Variants in MAP3K13 observed in about 807,000 individuals in gnomAD.
MAP3K13 encodes mitogen-activated protein kinase kinase kinase 13.
A neutral mutation model predicts 104.0 loss-of-function variants in MAP3K13; 52 were observed. The observed-to-expected ratio is 0.50, with a 90% CI of 0.40 to 0.63. MAP3K13 has a LOEUF of 0.63. MAP3K13 is among the 20% of genes least tolerant of loss of function. MAP3K13 has a pLI of 0.00. For synonymous variants in MAP3K13, 394 were observed against 442.2 expected (o/e 0.89, Z 1.37); for missense variants, 914 against 1,218.5 (o/e 0.75, Z 3.72).
chr3:185,468,158 G>A (rs967456009), intron 10 of MAP3K13, among the ~76,000 whole-genome samples: 6 of 152,098 alleles, frequency 3.9e-5, no homozygotes, highest in South Asian at 2.1e-4. Context: ...ATTACAATCC[G>A]ACATGAGATT....
At chr3:185,467,527 G>A (rs992580669) in intron 10 of MAP3K13, among the ~76,000 whole-genome samples, 1 of 152,172 alleles carries the variant, frequency 6.6e-6, no homozygotes, top group African/African-American at 2.4e-5. Flanking sequence ...GCTCACGCCT[G>A]TAATCCCAGC....
chr3:185,451,133 A>G (rs973999970), intron 6 of MAP3K13, among the ~76,000 whole-genome samples, 154 bp from the exon 7 acceptor site: 2 of 152,258 alleles, frequency 1.3e-5, no homozygotes, highest in African/African-American at 2.4e-5. Context: ...CTGAGATACA[A>G]TTCAGTTATG....
At chr3:185,377,065 A>G (rs1381457459) in intron 1 of MAP3K13, among the ~76,000 whole-genome samples, 2 of 152,164 alleles carry the variant, frequency 1.3e-5, no homozygotes, top group East Asian at 3.9e-4. Context: ...GGAGGGAGGT[A>G]TTGAGGATAG....
intron 1 of MAP3K13, among the ~76,000 whole-genome samples, chr3:185,395,454 G>A (rs1422973533): frequency 2.3e-5 from 2 of 85,954 alleles, no homozygotes; most frequent in African/African-American, 8.6e-5. Flanking sequence ...CGCCTCCCGG[G>A]TTCACGCCAT....
At chr3:185,460,408 C>T (rs1042837565) in intron 7 of MAP3K13, among the ~76,000 whole-genome samples, 1 of 152,194 alleles carries the variant, frequency 6.6e-6, no homozygotes, top group Non-Finnish European at 1.5e-5. Context: ...TCCAGGGTAT[C>T]TCAGGCCTTG....
chr3:185,451,147 T>G, intron 6 of MAP3K13, 140 bp from the exon 7 acceptor site: 1 of 596,370 alleles, frequency 1.7e-6, no homozygotes, highest in Non-Finnish European at 3.0e-6. Flanking sequence ...AGTTATGCTA[T>G]CCTGATATAA....
rs1718673828 is a variant in MAP3K13, at chr3:185,485,492, T to G, written c.*3036T>G. On this transcript the variant is annotated 3_prime_UTR_variant, in exon 14 of 14. Coordinates refer to ENST00000265026, the MANE Select transcript of MAP3K13 (RefSeq NM_004721.5). Reference sequence around the variant, plus strand: ...CAGCATTCTGAGGAGCATGATGAGATCTTGCCCCTTGCTGCCCTGGAGGTG... The same window carrying G: ...CAGCATTCTGAGGAGCATGATGAGAGCTTGCCCCTTGCTGCCCTGGAGGTG... The G allele has an allele frequency of 6.6e-6, 1 of 152,062 alleles. No individual in the cohort carries two copies. Among genetic ancestry groups the G allele is most frequent in the East Asian group, 1.9e-4 (1 of 5,168 alleles). The allele number at this position is 152,062 out of a possible 1,614,324, so 9.4% of individuals were successfully genotyped here. A position where few individuals can be genotyped will look rare whatever the true frequency, so the allele number is the denominator to read the frequency against.
intron 13 of MAP3K13, among the ~76,000 whole-genome samples, chr3:185,481,956 C>T (rs949449852): frequency 4.6e-5 from 7 of 152,144 alleles, no homozygotes; most frequent in Non-Finnish European, 7.3e-5. Flanking sequence ...TGGTGGCACG[C>T]GCCTGTAGTC....
chr3:185,459,175 G>A (rs556301904), intron 7 of MAP3K13, among the ~76,000 whole-genome samples: 1 of 152,248 alleles, frequency 6.6e-6, no homozygotes, highest in South Asian at 2.1e-4. Flanking sequence ...AGACTCTGCT[G>A]CCTTAAAAGT....
In MAP3K13 at chr3:185,473,450, T is replaced by C. The variant is rs760561828; in HGVS notation, c.2119T>C (p.Cys707Arg). Residue 707 changes from cysteine (C) to arginine (R), a missense_variant, in exon 11 of 14, where the codon TGC (cysteine) becomes CGC (arginine). Cys to Arg is a radical substitution (Grantham distance 180). Around this residue, in one of 3 missense-constraint regions of MAP3K13, gnomAD observed 583 missense variants for 737.4 expected, o/e 0.79. Coordinates refer to ENST00000265026, the MANE Select transcript of MAP3K13 (RefSeq NM_004721.5). This position sits in a 1 kb window ranked among gnomAD's most constrained non-coding sequence, Gnocchi z 4.9. ...CATCTCCACAGCCATGGCTGCAGAC[T>C]GCTGGAGAAGTTCTGAGCCTGACAA... The part of the protein sequence containing the change: ...DLISTAMAAD[C>R]WRSSEPDKGQ... 7 of 1,614,208 alleles carry C rather than the reference T, an allele frequency of 4.3e-6. No individual in the cohort carries two copies. The Admixed American group carries it at 5.0e-5, about 12-fold the overall frequency.
intron 1 of MAP3K13, among the ~76,000 whole-genome samples, chr3:185,368,164 A>C (rs1723981281): frequency 6.6e-6 from 1 of 152,100 alleles, no homozygotes; most frequent in East Asian, 1.9e-4. Context: ...TGTCTCAAAA[A>C]ATTAATTAAT....
chr3:185,402,097 A>G (rs1223581938), intron 1 of MAP3K13, among the ~76,000 whole-genome samples: 1 of 152,186 alleles, frequency 6.6e-6, no homozygotes, highest in Non-Finnish European at 1.5e-5. Context: ...GACTCTCCCT[A>G]CTATAAGTGT....
intron 13 of MAP3K13, among the ~76,000 whole-genome samples, chr3:185,481,941 G>A (rs561878172): frequency 1.5e-3 from 225 of 152,260 alleles, no homozygotes; most frequent in African/African-American, 5.2e-3. Flanking sequence ...AAAATTATCC[G>A]GGCATGGTGG....
intron 2 of MAP3K13, among the ~76,000 whole-genome samples, chr3:185,341,167 T>G (rs1722708276): frequency 1.3e-5 from 2 of 152,148 alleles, no homozygotes; most frequent in Admixed American, 1.3e-4. Context: ...GGAAACAGGC[T>G]CTTTATAGAT....
chr3:185,337,288 T>C (rs578164666), intron 2 of MAP3K13, among the ~76,000 whole-genome samples: 7 of 152,264 alleles, frequency 4.6e-5, no homozygotes, highest in African/African-American at 1.7e-4. Context: ...CCTGGTAAAA[T>C]TCATTTCAAA....
At chr3:185,284,749 A>G (rs981503909) in intron 1 of MAP3K13, among the ~76,000 whole-genome samples, 3 of 149,486 alleles carry the variant, frequency 2.0e-5, no homozygotes, top group African/African-American at 7.4e-5. Flanking sequence ...TAAATAAATA[A>G]ATAAAATTTA....
chr3:185,449,809 A>G (rs183275997), intron 5 of MAP3K13, 91 bp from the exon 6 acceptor site: 18 of 1,109,980 alleles, frequency 1.6e-5, no homozygotes. Context: ...AACTGGGTAT[A>G]TGTACTAATT....
chr3:185,338,248 T>C (rs1379417476), intron 2 of MAP3K13, among the ~76,000 whole-genome samples: 1 of 149,818 alleles, frequency 6.7e-6, no homozygotes, highest in Non-Finnish European at 1.5e-5. Flanking sequence ...GAGAATCTCT[T>C]GAACCCAGGA....
chr3:185,305,602 A>G (rs753053267), intron 2 of MAP3K13, among the ~76,000 whole-genome samples: 8 of 152,170 alleles, frequency 5.3e-5, no homozygotes, highest in Non-Finnish European at 7.4e-5. Flanking sequence ...TTACGTGTTT[A>G]TATGCTTTCA....
Sources: gnomAD v4.1 joint callset for allele counts (sites outside exome capture counted in the v4.1 genomes callset) on GRCh38, gnomAD v4.1.1 for gene constraint, gnomAD v4.1.1 regional missense constraint, Gnocchi (gnomAD v3.1) non-coding constraint, MANE v1.5 for transcripts, NCBI Gene and HGNC (gene_info 2026-07-23, HGNC 2026-07-21) for gene names.